Variants in MYLK observed in about 807,000 individuals in gnomAD.
The protein encoded by MYLK is myosin light chain kinase, also known as myosin light chain kinase, smooth muscle.
MYLK carries 106 observed loss-of-function variants against 203.4 expected under a neutral mutation model. The observed-to-expected ratio is 0.52, with a 90% CI of 0.45 to 0.61. The LOEUF (loss-of-function observed/expected upper bound fraction) is 0.61, where lower values mean the gene tolerates loss of function less well. MYLK is among the 20% of genes least tolerant of loss of function. The pLI is 0.00. For synonymous variants in MYLK, 867 were observed against 959.5 expected (o/e 0.90, Z 1.78); for missense variants, 2,072 against 2,442.3 (o/e 0.85, Z 3.20).
In MYLK at chr3:123,700,368, T is replaced by C. The variant is rs1576621932; in HGVS notation, c.3100A>G (p.Thr1034Ala). 1.9e-6 allele frequency: 3 copies of C among 1,613,460 alleles called. No individual in the cohort carries two copies. The highest frequency in any genetic ancestry group is 8.5e-7 in the Non-Finnish European group (1 of 1,179,876). Reference protein sequence around the residue: ...KPVGNAKPAETLKPMGNAKPA... With the variant: ...KPVGNAKPAEALKPMGNAKPA... ...TTGGCGTTGCCCATTGGCTTCAGGG[T>C]CTCAGCAGGCTTGGCGTTGCCCACG... Residue 1034 changes from threonine (T) to alanine (A), a missense_variant, in exon 18 of 34, where the codon ACC (threonine) becomes GCC (alanine). This residue lies in a region of MYLK where 865 missense variants were observed against 1,016.0 expected (regional missense o/e 0.85). Coordinates refer to ENST00000360304, the MANE Select transcript of MYLK (RefSeq NM_053025.4).
intron 19 of MYLK, among the ~76,000 whole-genome samples, chr3:123,690,468 T>C (rs73200080): frequency 1.5e-4 from 23 of 151,412 alleles, no homozygotes; most frequent in Non-Finnish European, 2.2e-4. Flanking sequence ...CCTTGGGGAG[T>C]AGGGAGAGCT....
rs772776298 is a variant in MYLK, at chr3:123,701,501, AC to A, written c.2398del (p.Val800LeufsTer10). ...TGACACCTGGCAACTGCATTCGCCAACCCGGTTCCTGAAGAATTCCAAAGAT... is the reference window on the plus strand; with the variant it reads ...TGACACCTGGCAACTGCATTCGCCAACCGGTTCCTGAAGAATTCCAAAGAT... ...GQYEILLKNR[V>X]GECSCQVSLM... is the part of the protein sequence containing the mutation. On this transcript the variant is annotated frameshift_variant, in exon 17 of 34. Transcript: ENST00000360304. LOFTEE classifies it high-confidence loss of function. 1 of 1,613,892 alleles carries A rather than the reference AC, an allele frequency of 6.2e-7. No individual in the cohort carries two copies. The highest frequency in any genetic ancestry group is 1.1e-5 in the South Asian group (1 of 91,074).
At chr3:123,880,476 A>C (rs1467740084) in intron 1 of MYLK, among the ~76,000 whole-genome samples, 1 of 152,222 alleles carries the variant, frequency 6.6e-6, no homozygotes, top group African/African-American at 2.4e-5. Context: ...AGGGAAAAAA[A>C]ATCAAGAAGC....
At chr3:123,721,995 T>C in intron 13 of MYLK, 133 bp downstream of exon 13, 1 of 1,155,502 alleles carries the variant, frequency 8.7e-7, no homozygotes, top group Non-Finnish European at 1.3e-6. Flanking sequence ...GCCAGTGGTG[T>C]GGAGTAGTGC....
intron 1 of MYLK, among the ~76,000 whole-genome samples, chr3:123,877,812 A>C (rs1341778795): frequency 6.6e-6 from 1 of 152,214 alleles, no homozygotes; most frequent in Admixed American, 6.5e-5. Flanking sequence ...GAAAATACCA[A>C]ATGGAAATTT....
intron 1 of MYLK, among the ~76,000 whole-genome samples, chr3:123,881,309 T>G (rs1275325630): frequency 6.6e-6 from 1 of 152,148 alleles, no homozygotes; most frequent in Non-Finnish European, 1.5e-5. Flanking sequence ...ATGGACATTT[T>G]CCATGCAAAT....
chr3:123,637,294 C>T (rs1209437869), intron 29 of MYLK, among the ~76,000 whole-genome samples: 1 of 152,158 alleles, frequency 6.6e-6, no homozygotes, highest in Non-Finnish European at 1.5e-5. Flanking sequence ...AGCCTTGTTA[C>T]TCAGAGCGCA....
intron 5 of MYLK, among the ~76,000 whole-genome samples, chr3:123,745,561 T>G (rs2062989251): frequency 6.6e-6 from 1 of 152,244 alleles, no homozygotes; most frequent in African/African-American, 2.4e-5. Context: ...TAGATTTTGT[T>G]GTACATGTTA....
intron 20 of MYLK, among the ~76,000 whole-genome samples, chr3:123,668,962 A>C (rs1348326122): frequency 6.6e-6 from 1 of 152,236 alleles, no homozygotes; most frequent in Non-Finnish European, 1.5e-5. Context: ...GAGTGGGCTA[A>C]TATTAACAAT....
intron 1 of MYLK, among the ~76,000 whole-genome samples, chr3:123,881,024 G>T (rs999734686): frequency 6.6e-6 from 1 of 152,224 alleles, no homozygotes; most frequent in Non-Finnish European, 1.5e-5. Flanking sequence ...AAAGTGTGCA[G>T]CCAAAACTCA....
intron 20 of MYLK, among the ~76,000 whole-genome samples, chr3:123,675,842 G>A (rs554401099): frequency 1.3e-5 from 2 of 152,274 alleles, no homozygotes; most frequent in Non-Finnish European, 2.9e-5. Flanking sequence ...CTGGCCCTGG[G>A]TGACCTGACC....
intron 29 of MYLK, among the ~76,000 whole-genome samples, chr3:123,635,935 G>C (rs2058626501): frequency 6.6e-6 from 1 of 152,162 alleles, no homozygotes; most frequent in Admixed American, 6.5e-5. Flanking sequence ...ATGACACATA[G>C]TACTATGAAT....
At chr3:123,718,973 G>A (rs2061998793) in intron 13 of MYLK, among the ~76,000 whole-genome samples, 7 of 152,176 alleles carry the variant, frequency 4.6e-5, no homozygotes, top group African/African-American at 4.8e-5. Flanking sequence ...TTCAGGGAAC[G>A]CATTCTGGGG....
chr3:123,733,948 C>T lies in MYLK; in HGVS notation c.1048G>A (p.Ala350Thr), dbSNP rs532659627. Residue 350 changes from alanine to threonine, a missense_variant, in exon 10 of 34, where the codon GCA becomes ACA. Physicochemically the swap from Ala to Thr is moderately conservative, Grantham distance 58. This residue lies in a region of MYLK where 683 missense variants were observed against 643.8 expected (regional missense o/e 1.06). Coordinates refer to ENST00000360304, the MANE Select transcript of MYLK (RefSeq NM_053025.4). ...KTSSSITLQA[A>T]RVQPEPRAPG... ...GCTCTTGGTTCCGGCTGAACTCTTGCGGCCTGCAGGGTGATGGAGCTGGAA... is the reference window on the plus strand; with the variant it reads ...GCTCTTGGTTCCGGCTGAACTCTTGTGGCCTGCAGGGTGATGGAGCTGGAA... The T allele has an allele frequency of 2.6e-5, 42 of 1,614,170 alleles. No homozygotes were observed. The highest frequency in any genetic ancestry group is 3.3e-4 in the Middle Eastern group (2 of 6,062).
chr3:123,694,462 G>A (rs757862670), intron 18 of MYLK, among the ~76,000 whole-genome samples: 9 of 152,116 alleles, frequency 5.9e-5, no homozygotes, highest in African/African-American at 9.7e-5. Flanking sequence ...CTGGGTGGGC[G>A]GGAGGATGCC....
chr3:123,810,018 A>T (rs1439466684), intron 3 of MYLK, among the ~76,000 whole-genome samples: 2 of 152,154 alleles, frequency 1.3e-5, no homozygotes, highest in African/African-American at 4.8e-5. Context: ...AGTTTACCTG[A>T]TCATGGTTCT....
intron 13 of MYLK, among the ~76,000 whole-genome samples, chr3:123,721,109 G>T (rs1379678098): frequency 1.3e-5 from 2 of 152,220 alleles, no homozygotes; most frequent in African/African-American, 4.8e-5. Context: ...TACGGGTGAG[G>T]TGAAAGTATT....
At chr3:123,766,625 G>C (rs560483863) in intron 4 of MYLK, among the ~76,000 whole-genome samples, 1 of 152,236 alleles carries the variant, frequency 6.6e-6, no homozygotes, top group Non-Finnish European at 1.5e-5. Context: ...AGCCCTGCCC[G>C]CCTTAGGAGG....
At chr3:123,818,050 A>T (rs569600215) in intron 3 of MYLK, among the ~76,000 whole-genome samples, 2 of 152,240 alleles carry the variant, frequency 1.3e-5, no homozygotes, top group South Asian at 2.1e-4. Context: ...CAGAGCCCAG[A>T]CAGCACATCT....
Sources: gnomAD v4.1 joint callset for allele counts (sites outside exome capture counted in the v4.1 genomes callset) on GRCh38, gnomAD v4.1.1 for gene constraint, gnomAD v4.1.1 regional missense constraint, MANE v1.5 for transcripts, NCBI Gene and HGNC (gene_info 2026-07-23, HGNC 2026-07-21) for gene names.